Variants in WDPCP observed in about 807,000 individuals in gnomAD.
WDPCP encodes the protein WD repeat-containing and planar cell polarity effector protein fritz homolog.
WDPCP carries 71 observed loss-of-function variants against 93.1 expected under a neutral mutation model. The observed-to-expected ratio is 0.76, with a 90% confidence interval of 0.63 to 0.93. The LOEUF (loss-of-function observed/expected upper bound fraction) is 0.93. WDPCP is among the 40% of genes least tolerant of loss of function. WDPCP has a pLI of 0.00. For synonymous variants in WDPCP, 315 were observed against 315.0 expected (o/e 1.00, Z 0.00); for missense variants, 844 against 887.4 (o/e 0.95, Z 0.62).
chr2:63,758,329 C>A (rs1423187424), intron 2 of WDPCP, among the ~76,000 whole-genome samples: 1 of 151,878 alleles, frequency 6.6e-6, no homozygotes, highest in Non-Finnish European at 1.5e-5. Context: ...GAGAAAAACA[C>A]TGAAATTATG....
chr2:63,548,146 A>T (rs1227579029), intron 1 of WDPCP, among the ~76,000 whole-genome samples: 1 of 152,118 alleles, frequency 6.6e-6, no homozygotes, highest in Non-Finnish European at 1.5e-5. Flanking sequence ...TTTTTTAAAA[A>T]GCAAATGTAA....
At chr2:63,633,476 T>C (rs1485033418) in intron 3 of WDPCP, among the ~76,000 whole-genome samples, 1 of 151,390 alleles carries the variant, frequency 6.6e-6, no homozygotes, top group Non-Finnish European at 1.5e-5. Flanking sequence ...AGTAAAAGAG[T>C]AGAGTTTTTG....
intron 3 of WDPCP, chr2:63,599,189 C>T (rs754547650): frequency 6.2e-7 from 1 of 1,613,464 alleles, no homozygotes. Flanking sequence ...GTGGGTAATC[C>T]AGCCAATACC....
At chr2:63,288,432 T>C (rs1684168562) in intron 13 of WDPCP, among the ~76,000 whole-genome samples, 1 of 152,208 alleles carries the variant, frequency 6.6e-6, no homozygotes, top group South Asian at 2.1e-4. Flanking sequence ...TGTGGCCAAA[T>C]CGACTTCCAA....
At chr2:63,802,847 T>C (rs533304148) in intron 2 of WDPCP, among the ~76,000 whole-genome samples, 1 of 152,304 alleles carries the variant, frequency 6.6e-6, no homozygotes, top group Non-Finnish European at 1.5e-5. Context: ...TTAAACTGAT[T>C]ATTAGAAGTA....
At chr2:63,393,379 C>G (rs1359582136) in intron 10 of WDPCP, among the ~76,000 whole-genome samples, 1 of 151,752 alleles carries the variant, frequency 6.6e-6, no homozygotes, top group African/African-American at 2.4e-5. Context: ...ACACTGGGGC[C>G]TGTCAGCGGG....
At chr2:63,181,012 A>G (rs780240441) in intron 14 of WDPCP, among the ~76,000 whole-genome samples, 3 of 152,018 alleles carry the variant, frequency 2.0e-5, no homozygotes, top group African/African-American at 4.8e-5. Context: ...CCCATTCAGT[A>G]GTGTAGGAGG....
At chr2:63,429,493 A>T (rs2105426071) in intron 9 of WDPCP, among the ~76,000 whole-genome samples, 1 of 152,308 alleles carries the variant, frequency 6.6e-6, no homozygotes, top group Non-Finnish European at 1.5e-5. Flanking sequence ...ACAAATCAAG[A>T]AGCAAAAAAC....
intron 3 of WDPCP, among the ~76,000 whole-genome samples, chr2:63,631,553 C>T (rs1709865072): frequency 6.6e-6 from 1 of 151,944 alleles, no homozygotes; most frequent in Non-Finnish European, 1.5e-5. Context: ...CCTCCTCTAA[C>T]AAAAAATAAT....
At chr2:63,399,439 AG>A in intron 10 of WDPCP, among the ~76,000 whole-genome samples, 1 of 152,180 alleles carries the variant, frequency 6.6e-6, no homozygotes, top group African/African-American at 2.4e-5. Context: ...TGCTAGAGAT[AG>A]GAAGAGAAAG....
rs566725495 is a variant in WDPCP at position 63,231,967 on chromosome 2, T to C, written c.1915+27340A>G. 2.0e-5 allele frequency among the ~76,000 whole-genome samples: 3 copies of C among 152,290 alleles called. No homozygotes were observed. The South Asian group carries it at 6.2e-4, about 32-fold the overall frequency. On this transcript the variant is annotated intron_variant, in intron 14 of 17. Coordinates refer to ENST00000272321, the MANE Select transcript of WDPCP (RefSeq NM_015910.7). ...TACAGTACCCAAAACAGCATGGTAC[T>C]GGTACCAAAACAGAGATATAGACCA...
intron 1 of WDPCP, among the ~76,000 whole-genome samples, chr2:63,535,160 T>G (rs924711700): frequency 2.6e-5 from 4 of 152,164 alleles, no homozygotes; most frequent in Admixed American, 2.6e-4. Context: ...ACAAGGGATG[T>G]GAAGGACCTC....
chr2:63,330,290 T>A (rs1272624600), intron 12 of WDPCP, among the ~76,000 whole-genome samples: 1 of 152,154 alleles, frequency 6.6e-6, no homozygotes, highest in Non-Finnish European at 1.5e-5. Context: ...AGATGTAAGG[T>A]GTTATCTCTT....
At chr2:63,669,363 A>T (rs144788662) in intron 2 of WDPCP, among the ~76,000 whole-genome samples, 81 of 61,702 alleles carry the variant, frequency 1.3e-3, no homozygotes, top group Non-Finnish European at 1.4e-3. Flanking sequence ...ATTTTATTTT[A>T]TTTTATTTTT....
chr2:63,828,744 C>A (rs1428541446), upstream of WDPCP, among the ~76,000 whole-genome samples: 1 of 152,150 alleles, frequency 6.6e-6, no homozygotes, highest in African/African-American at 2.4e-5. Flanking sequence ...TTTTTTATTT[C>A]TTTTGCTTTG....
At chr2:63,688,155 G>C (rs192101255) in intron 2 of WDPCP, among the ~76,000 whole-genome samples, 1 of 152,126 alleles carries the variant, frequency 6.6e-6, no homozygotes, top group Non-Finnish European at 1.5e-5. Context: ...GGCCTGGCGC[G>C]GTGGCTCACG....
At chr2:63,523,437 AT>A (rs1452314017) in intron 1 of WDPCP, among the ~76,000 whole-genome samples, 1 of 152,212 alleles carries the variant, frequency 6.6e-6, no homozygotes, top group Admixed American at 6.5e-5. Flanking sequence ...AAACATAGCA[AT>A]GGAAGTCATA....
intron 2 of WDPCP, among the ~76,000 whole-genome samples, chr2:63,755,306 G>A (rs182578543): frequency 5.3e-5 from 8 of 152,314 alleles, no homozygotes; most frequent in East Asian, 1.9e-4. Context: ...AGAGGAGCAC[G>A]TGTGGGAGGT....
At chr2:63,522,853 C>G (rs1703045704) in intron 1 of WDPCP, among the ~76,000 whole-genome samples, 2 of 152,178 alleles carry the variant, frequency 1.3e-5, no homozygotes, top group South Asian at 4.1e-4. Context: ...CTAGACCAGA[C>G]AGATTCACTG....
Sources: allele counts gnomAD v4.1 joint callset (sites outside exome capture counted in the v4.1 genomes callset), GRCh38; gene constraint gnomAD v4.1.1; transcripts MANE v1.5; gene names NCBI Gene and HGNC (gene_info 2026-07-23, HGNC 2026-07-21).